Variants in AFF3 observed in about 807,000 individuals in gnomAD.
The protein encoded by AFF3 is AF4/FMR2 family member 3.
A neutral mutation model predicts 129.7 loss-of-function variants in AFF3; 32 were observed. The observed-to-expected ratio is 0.25, with a 90% CI of 0.19 to 0.33. The LOEUF is 0.33. AFF3 is among the 10% of genes least tolerant of loss of function. The pLI, the probability that AFF3 is intolerant of heterozygous loss-of-function variation, is 1.00. For missense variants in AFF3, 1,373 were observed against 1,592.0 expected (o/e 0.86, Z 2.34); for synonymous variants, 644 against 635.4 (o/e 1.01, Z -0.20).
intron 8 of AFF3, among the ~76,000 whole-genome samples, chr2:99,831,861 T>C (rs1462552421): frequency 6.6e-6 from 1 of 152,196 alleles, no homozygotes; most frequent in Non-Finnish European, 1.5e-5. Context: ...TTGCTGGGGC[T>C]GGACTCTCTG....
chr2:99,868,911 G>C (rs1188677938), intron 7 of AFF3, among the ~76,000 whole-genome samples: 1 of 152,154 alleles, frequency 6.6e-6, no homozygotes, highest in Non-Finnish European at 1.5e-5. Flanking sequence ...TCTGGCCTCA[G>C]CTTCCTGAGT....
chr2:99,649,723 G>C, intron 12 of AFF3, 57 bp from the exon 13 acceptor site: 6 of 1,593,030 alleles, frequency 3.8e-6, no homozygotes, highest in Non-Finnish European at 5.2e-6. Context: ...TGAATTACGT[G>C]CTCAATGAAC....
At chr2:99,575,831 G>A (rs933026793) in intron 18 of AFF3, among the ~76,000 whole-genome samples, 11 of 152,146 alleles carry the variant, frequency 7.2e-5, no homozygotes, top group Non-Finnish European at 1.0e-4. Context: ...AAGAACAAAT[G>A]ATAACAGCCT....
chr2:99,695,183 T>A (rs932269300), intron 11 of AFF3, among the ~76,000 whole-genome samples: 7 of 152,216 alleles, frequency 4.6e-5, no homozygotes, highest in Non-Finnish European at 1.0e-4. Context: ...TATTTCATAC[T>A]TAAGCCTACC....
At chr2:99,953,020 C>A (rs1327892380) in intron 7 of AFF3, among the ~76,000 whole-genome samples, 1 of 152,206 alleles carries the variant, frequency 6.6e-6, no homozygotes, top group Non-Finnish European at 1.5e-5. Context: ...TGCCTGAGGT[C>A]CAGTAAGCAC....
chr2:99,884,730 T>C (rs1692977158), intron 7 of AFF3, among the ~76,000 whole-genome samples: 2 of 152,152 alleles, frequency 1.3e-5, no homozygotes, highest in African/African-American at 4.8e-5. Context: ...TTTTCAAAGT[T>C]AGATGTTTAA....
In AFF3 at chr2:99,855,811, G is replaced by A. The variant is rs143870106; in HGVS notation, c.874-18287C>T. On this transcript the variant is annotated intron_variant, in intron 7 of 24. Coordinates refer to ENST00000672756, the MANE Select transcript of AFF3 (RefSeq NM_001386135.1). ...GAAGGAGGGAAAAAGGATAATTCTG[G>A]AGTGGAGAAACCTGTCAAACACTGT... Among the ~76,000 whole-genome samples, 677 of 152,244 alleles carry A rather than the reference G, an allele frequency of 4.4e-3. 3 individuals carry two copies. Among genetic ancestry groups the A allele is most frequent in the African/African-American group, 0.016 (645 of 41,554 alleles).
At chr2:99,596,266 T>C (rs1303578857) in intron 14 of AFF3, among the ~76,000 whole-genome samples, 1 of 152,174 alleles carries the variant, frequency 6.6e-6, no homozygotes, top group East Asian at 1.9e-4. Context: ...CTATGGAACA[T>C]GCCCAGTGCA....
At chr2:99,821,461 T>G (rs1687673918) in intron 8 of AFF3, among the ~76,000 whole-genome samples, 2 of 139,484 alleles carry the variant, frequency 1.4e-5, no homozygotes, top group Admixed American at 1.5e-4. Flanking sequence ...TAACAATAGC[T>G]GATGAGCTAA....
Position 99,924,304 on chromosome 2 carries a change from C to T in AFF3, c.873+82328G>A, listed in dbSNP as rs534284230. The stretch of plus-strand genomic sequence containing the variant: ...GACAACAATGTATATCCTCTCCCTT[C>T]ATCCAACACAAATCTTAAATATCCT... On this transcript the variant is annotated intron_variant, in intron 7 of 24. Coordinates refer to ENST00000672756, the MANE Select transcript of AFF3 (RefSeq NM_001386135.1). 2.6e-4 allele frequency among the ~76,000 whole-genome samples: 39 copies of T among 152,352 alleles called. 1 individual carries two copies. In the South Asian group the frequency reaches 5.0e-3, roughly 19 times the overall value.
chr2:99,819,985 C>G (rs528421911), intron 8 of AFF3, among the ~76,000 whole-genome samples: 2 of 152,312 alleles, frequency 1.3e-5, no homozygotes, highest in Admixed American at 1.3e-4. Context: ...TGGAAGGCAG[C>G]ACAGCACAGG....
intron 7 of AFF3, among the ~76,000 whole-genome samples, chr2:99,939,531 G>C (rs907286470): frequency 2.0e-5 from 3 of 152,164 alleles, no homozygotes; most frequent in African/African-American, 7.2e-5. Flanking sequence ...TTTCAGTTTA[G>C]ATTGACACTG....
chr2:99,662,764 A>T (rs1327593782), intron 12 of AFF3, among the ~76,000 whole-genome samples: 1 of 152,156 alleles, frequency 6.6e-6, no homozygotes, highest in Non-Finnish European at 1.5e-5. Context: ...TTACTGCTTC[A>T]ACTCCTGTTT....
Position 99,593,485 on chromosome 2 carries a change from T to A in AFF3, c.2176A>T (p.Ile726Phe), listed in dbSNP as rs772272245. ...GSGPRAPVGS[I>F]NARTTSDIAK... ...ATGTCACTGGTGGTCCTGGCGTTGA[T>A]GGAGCCTACAGGGGCCCTAGGACCA... Residue 726 changes from isoleucine to phenylalanine, a missense_variant, in exon 15 of 25, where the codon ATC becomes TTC. By Grantham distance (21) the Ile-to-Phe change is conservative. Around this residue, in one of 9 missense-constraint regions of AFF3, gnomAD observed 466 missense variants for 505.0 expected, o/e 0.92. Coordinates refer to ENST00000672756, the MANE Select transcript of AFF3 (RefSeq NM_001386135.1). 1.2e-6 allele frequency: 2 copies of A among 1,613,882 alleles called. No individual in the cohort carries two copies. The highest frequency in any genetic ancestry group is 1.1e-5 in the South Asian group (1 of 91,080).
At chr2:99,725,449 C>G (rs1384534321) in intron 11 of AFF3, among the ~76,000 whole-genome samples, 1 of 152,142 alleles carries the variant, frequency 6.6e-6, no homozygotes. Context: ...TGTGCCTCAG[C>G]CTCCCGTGTA....
At chr2:99,836,525 G>A (rs938938536) in intron 8 of AFF3, among the ~76,000 whole-genome samples, 3 of 151,882 alleles carry the variant, frequency 2.0e-5, no homozygotes, top group Non-Finnish European at 4.4e-5. Context: ...AGTTATTCTG[G>A]TCAACTTGAG....
At chr2:99,878,310 A>G (rs1692449725) in intron 7 of AFF3, among the ~76,000 whole-genome samples, 2 of 152,112 alleles carry the variant, frequency 1.3e-5, no homozygotes, top group Non-Finnish European at 2.9e-5. Context: ...GGGGAGAAAC[A>G]GTTCTTGCAA....
Position 99,577,547 on chromosome 2 carries a change from G to C in AFF3, c.2918+780C>G, listed in dbSNP as rs1031033550. Among the ~76,000 whole-genome samples, 12 of 152,212 alleles carry C rather than the reference G, an allele frequency of 7.9e-5. 1 individual carries two copies. The highest frequency in any genetic ancestry group is 2.9e-4 in the African/African-American group (12 of 41,456). On this transcript the variant is annotated intron_variant, in intron 18 of 24. Transcript: ENST00000672756. ...GGCAGAAGTGCCTATTTCTGCTGCT[G>C]CTCCACCCCAGAGCTGAATTTTTCC...
intron 2 of AFF3, chr2:100,105,843 G>T (rs534959386): frequency 7.5e-7 from 1 of 1,340,590 alleles, no homozygotes; most frequent in East Asian, 4.0e-5. Context: ...GCAGCTCAGA[G>T]CCCTGCAGTT....
Sources: gnomAD v4.1 joint callset for allele counts (sites outside exome capture counted in the v4.1 genomes callset) on GRCh38, gnomAD v4.1.1 for gene constraint, gnomAD v4.1.1 regional missense constraint, MANE v1.5 for transcripts, NCBI Gene and HGNC (gene_info 2026-07-23, HGNC 2026-07-21) for gene names.